Variants in ARHGEF40 observed in about 807,000 individuals in gnomAD.
ARHGEF40 encodes Rho guanine nucleotide exchange factor (GEF) 40.
In ARHGEF40, 98 loss-of-function variants were observed where a neutral mutation model predicts 165.9. That is an observed-to-expected ratio of 0.59 (90% CI 0.50 to 0.70). The LOEUF (loss-of-function observed/expected upper bound fraction) is 0.70. Among genes scored for constraint, ARHGEF40 ranks in the 30% least tolerant of loss-of-function variants. The pLI is 0.00. For missense variants in ARHGEF40, 1,815 were observed against 1,968.0 expected, an observed-to-expected ratio of 0.92 and a Z score of 1.47; for synonymous variants, 792 against 814.3, an observed-to-expected ratio of 0.97 and a Z score of 0.47.
intron 10 of ARHGEF40, 72 bp downstream of exon 10, chr14:21,078,560 C>T (rs1887620874): frequency 7.0e-7 from 1 of 1,427,924 alleles, no homozygotes; most frequent in Non-Finnish European, 9.5e-7. Flanking sequence ...GCCAACAAAC[C>T]TTAGCTGCCA....
At chr14:21,068,798 GC>G (rs971955791), upstream of ARHGEF40, among the ~76,000 whole-genome samples, 1 of 152,342 alleles carries the variant, frequency 6.6e-6, no homozygotes, top group Admixed American at 6.5e-5. Flanking sequence ...GACGCATGGA[GC>G]AGAGGCCTCT....
chr14:21,065,126 G>A, the ARHGEF40 span, among the ~76,000 whole-genome samples: 1 of 151,256 alleles, frequency 6.6e-6, no homozygotes, highest in Non-Finnish European at 1.5e-5. Flanking sequence ...AGTCGAGATT[G>A]TACCACTGCA....
In ARHGEF40 at chr14:21,076,879, G is replaced by T; in HGVS notation, c.2023G>T (p.Glu675Ter). 1 of 1,612,702 alleles carries T rather than the reference G, an allele frequency of 6.2e-7. No homozygotes were observed. The highest frequency in any genetic ancestry group is 1.1e-5 in the South Asian group (1 of 90,988). ...GGACCCCTCTCCCAGTCACTGGGTA[G>T]AGATACACCAGGTAAGCTTCCCCTC... ...HRDPSPSHWV[E>*]IHQEVVRLCR... Residue 675 changes from glutamate to a stop codon, truncating the protein, a stop_gained, in exon 8 of 24, where the codon GAG becomes TAG. Coordinates refer to ENST00000298694, the MANE Select transcript of ARHGEF40 (RefSeq NM_018071.5). LOFTEE classifies it high-confidence loss of function.
At position 21,085,812 on chromosome 14, in the gene ARHGEF40, A is replaced by G. The variant is rs767106785; in HGVS notation, c.4084A>G (p.Lys1362Glu). 4 of 1,614,076 alleles carry G rather than the reference A, an allele frequency of 2.5e-6. No homozygotes were observed. In the East Asian group the frequency reaches 6.7e-5, roughly 27 times the overall value. The change falls in exon 19 of 24, where the codon AAG becomes GAG. Residue 1362 changes from lysine to glutamate, a missense_variant. By Grantham distance (56) the Lys-to-Glu change is moderately conservative (BLOSUM62 1). Coordinates refer to ENST00000298694, the MANE Select transcript of ARHGEF40 (RefSeq NM_018071.5). ...GGCAACCTCACCAGAGATCAAACTC[A>G]AGTGGACAAGTTCTATTGCCCAGCT... is the stretch of plus-strand genomic sequence containing the variant. ...LQATSPEIKLKWTSSIAQLLW... is the reference protein window; with the variant it reads ...LQATSPEIKLEWTSSIAQLLW...
Position 21,081,801 on chromosome 14 carries a change from C to G in ARHGEF40, c.2933C>G (p.Ala978Gly), listed in dbSNP as rs747331390. 4.2e-5 allele frequency: 67 copies of G among 1,600,872 alleles called. 1 individual carries two copies. Among genetic ancestry groups the G allele is most frequent in the Non-Finnish European group, 5.4e-5 (64 of 1,175,056 alleles). The change falls in exon 14 of 24, where the codon GCC becomes GGC. Residue 978 changes from alanine to glycine, a missense_variant. Physicochemically the swap from Ala to Gly is moderately conservative, Grantham distance 60. Coordinates refer to ENST00000298694, the MANE Select transcript of ARHGEF40 (RefSeq NM_018071.5). ...RRADGASSGG[A>G]QWGPRSPSPS... ...GCAGACGGTGCCAGCAGTGGAGGGGCCCAGTGGGGGCCCCGCAGCCCCTCG... is the reference window on the plus strand; with the variant it reads ...GCAGACGGTGCCAGCAGTGGAGGGGGCCAGTGGGGGCCCCGCAGCCCCTCG...
chr14:21,068,318 GAA>G (rs34795666), upstream of ARHGEF40, among the ~76,000 whole-genome samples: 2 of 99,478 alleles, frequency 2.0e-5, no homozygotes, highest in Admixed American at 1.2e-4. Flanking sequence ...TTTTCTCCAT[GAA>G]AAAAAAAAAT....
Position 21,073,749 on chromosome 14 carries a change from C to T in ARHGEF40, c.202-183C>T, listed in dbSNP as rs570884648. On this transcript the variant is annotated intron_variant, in intron 2 of 23. Transcript: ENST00000298694. This position sits in a 1 kb window ranked among gnomAD's most constrained non-coding sequence, Gnocchi z 4.6. ...AAGAATCTTCCTACTACTGGGAGAC[C>T]GATCAGTCCCAATCCCTTCCTCTCT... Among the ~76,000 whole-genome samples the T allele has an allele frequency of 3.3e-5, 5 of 152,222 alleles. No individual in the cohort carries two copies. Among genetic ancestry groups the T allele is most frequent in the Admixed American group, 2.0e-4 (3 of 15,296 alleles).
upstream of ARHGEF40, among the ~76,000 whole-genome samples, chr14:21,065,905 C>A (rs533425400): frequency 9.2e-5 from 14 of 152,260 alleles, no homozygotes; most frequent in Non-Finnish European, 1.8e-4. Context: ...TTGAGACCAG[C>A]CTGGCCAACA....
chr14:21,081,589 C>T lies in ARHGEF40; in HGVS notation c.2721C>T (p.Ala907=), dbSNP rs1394538214. 1 of 1,611,906 alleles carries T rather than the reference C, an allele frequency of 6.2e-7. No individual in the cohort carries two copies. Among genetic ancestry groups the T allele is most frequent in the Non-Finnish European group, 8.5e-7 (1 of 1,179,544 alleles). ...GGGAGGCTGTGCTGGCTGCACTGGC[C>T]CTGCGGCGGGCCCCAGAGCCCAGTG... is the stretch of plus-strand genomic sequence containing the variant. ...PGREAVLAAL[A]LRRAPEPSAG... is the part of the protein sequence containing the mutation. Residue 907 remains alanine, a synonymous_variant, in exon 14 of 24, where the codon GCC becomes GCT. Transcript: ENST00000298694.
At chr14:21,087,940 T>C in intron 21 of ARHGEF40, 28 bp from the exon 22 acceptor site, 1 of 1,613,374 alleles carries the variant, frequency 6.2e-7, no homozygotes, top group Non-Finnish European at 8.5e-7. Flanking sequence ...GATTCTGTAC[T>C]CTGCTCTCAC....
the ARHGEF40 span, among the ~76,000 whole-genome samples, chr14:21,064,264 AGTG>A: frequency 6.6e-6 from 1 of 152,116 alleles, no homozygotes; most frequent in Non-Finnish European, 1.5e-5. Context: ...TAAAATTGAG[AGTG>A]ACTAAATGAA....
In ARHGEF40 at chr14:21,084,937, A is replaced by T. The variant is rs1306786507; in HGVS notation, c.3960+14A>T. The T allele has an allele frequency of 6.2e-7, 1 of 1,610,618 alleles. No homozygotes were observed. The highest frequency in any genetic ancestry group is 8.5e-7 in the Non-Finnish European group (1 of 1,178,382). On this transcript the variant is annotated intron_variant, in intron 18 of 23. Coordinates refer to ENST00000298694, the MANE Select transcript of ARHGEF40 (RefSeq NM_018071.5). ...CAGGCCTTTAAGGTACGATTCCTGG[A>T]GTGAGTGGTGGAGGTGACAGGAAGT...
Position 21,075,101 on chromosome 14 carries a change from G to A in ARHGEF40, c.1371G>A (p.Gln457=), listed in dbSNP as rs1594554636. 2 of 1,614,014 alleles carry A rather than the reference G, an allele frequency of 1.2e-6. No homozygotes were observed. The highest frequency in any genetic ancestry group is 1.7e-6 in the Non-Finnish European group (2 of 1,180,024). Residue 457 remains glutamine (Q), a synonymous_variant, in exon 3 of 24, where the codon CAG becomes CAA. Transcript: ENST00000298694. The surrounding 1 kb of genome is among the most constrained non-coding windows in gnomAD (Gnocchi z 4.5). ...AAACAGCAGGCGAGAAAGAGCCTCA[G>A]CTCTCTGAAGCCTGTGGGCCTACAG... The part of the protein sequence containing the change: ...ELKTAGEKEP[Q]LSEACGPTEE...
Position 21,070,509 on chromosome 14 carries a change from C to G in ARHGEF40, c.3+110C>G, listed in dbSNP as rs115796355. ...CCGAGCCTGCCTCGGACTGTTCGGCCCCTCTGGGACTCTCCTCCCTCCCAT... is the reference window on the plus strand; with the variant it reads ...CCGAGCCTGCCTCGGACTGTTCGGCGCCTCTGGGACTCTCCTCCCTCCCAT... On this transcript the variant is annotated intron_variant, in intron 1 of 23. Transcript: ENST00000298694. The surrounding 1 kb of genome is among the most constrained non-coding windows in gnomAD (Gnocchi z 4.7). The G allele has an allele frequency of 2.4e-6, 3 of 1,271,154 alleles. No individual in the cohort carries two copies. Among genetic ancestry groups the G allele is most frequent in the Non-Finnish European group, 3.1e-6 (3 of 970,306 alleles). 78.7% of individuals were successfully genotyped at this position (1,271,154 alleles called of 1,614,324 possible).
chr14:21,087,677 C>T (rs1010349272), intron 21 of ARHGEF40: 17 of 722,420 alleles, frequency 2.4e-5, no homozygotes, highest in Non-Finnish European at 3.3e-5. Flanking sequence ...CTGTACCTCT[C>T]TCTCTAGCTC....
In ARHGEF40 at chr14:21,088,113, C is replaced by T. The variant is rs763756836; in HGVS notation, c.4518+15C>T. On this transcript the variant is annotated intron_variant, in intron 22 of 23. Coordinates refer to ENST00000298694, the MANE Select transcript of ARHGEF40 (RefSeq NM_018071.5). ...TATCCCGACAGGTAAGTTCCTACAACGAGGCTGGGAACAATGTGATCTCTT... is the reference window on the plus strand; with the variant it reads ...TATCCCGACAGGTAAGTTCCTACAATGAGGCTGGGAACAATGTGATCTCTT... The T allele has an allele frequency of 2.0e-5, 32 of 1,598,986 alleles. No homozygotes were observed. Among genetic ancestry groups the T allele is most frequent in the African/African-American group, 5.4e-5 (4 of 74,254 alleles).
Position 21,075,691 on chromosome 14 carries a change from G to A in ARHGEF40, c.1665G>A (p.Pro555=), listed in dbSNP as rs770033714. Residue 555 remains proline, a synonymous_variant, in exon 5 of 24, where the codon CCG becomes CCA. Coordinates refer to ENST00000298694, the MANE Select transcript of ARHGEF40 (RefSeq NM_018071.5). The surrounding 1 kb of genome is among the most constrained non-coding windows in gnomAD (Gnocchi z 4.5). The part of the protein sequence containing the change: ...SGRALLTITP[P]CPPEEPPPSR... ...GAGCTCTGCTGACCATTACCCCACCGTGCCCTCCTGAGGAGCCCCCACCCT... is the reference window on the plus strand; with the variant it reads ...GAGCTCTGCTGACCATTACCCCACCATGCCCTCCTGAGGAGCCCCCACCCT... 11 of 1,613,716 alleles carry A rather than the reference G, an allele frequency of 6.8e-6. No homozygotes were observed. Among genetic ancestry groups the A allele is most frequent in the East Asian group, 6.7e-5 (3 of 44,876 alleles).
rs757059417 is a variant in ARHGEF40, at chr14:21,082,437, G to A, written c.3445G>A (p.Ala1149Thr). The change falls in exon 15 of 24, where the codon GCC (alanine) becomes ACC (threonine). Residue 1149 changes from alanine to threonine, a missense_variant. By Grantham distance (58) the Ala-to-Thr change is moderately conservative. Transcript: ENST00000298694. ...THFLRELQGC[A>T]THPLRIGACF... Reference sequence around the variant, plus strand: ...CTTTCTGCGGGAGCTTCAGGGCTGCGCCACCCACCCCCTACGCATTGGGGC... The same window carrying A: ...CTTTCTGCGGGAGCTTCAGGGCTGCACCACCCACCCCCTACGCATTGGGGC... The A allele has an allele frequency of 6.8e-6, 11 of 1,605,856 alleles. No homozygotes were observed. The highest frequency in any genetic ancestry group is 6.7e-5 in the Admixed American group (4 of 59,718).
At chr14:21,083,059 G>A (rs1467134087) in intron 16 of ARHGEF40, 142 bp downstream of exon 16, 6 of 754,522 alleles carry the variant, frequency 8.0e-6, no homozygotes, top group African/African-American at 1.7e-5. Context: ...GCCGAGGGTG[G>A]GACAAGCACC....
Sources: allele counts gnomAD v4.1 joint callset (sites outside exome capture counted in the v4.1 genomes callset), GRCh38; gene constraint gnomAD v4.1.1; non-coding constraint Gnocchi (gnomAD v3.1); transcripts MANE v1.5; gene names NCBI Gene and HGNC (gene_info 2026-07-23, HGNC 2026-07-21).